HSH2D: variants seen among roughly 807,000 people sequenced by gnomAD.
HSH2D encodes the protein hematopoietic SH2 domain containing.
A neutral mutation model predicts 21.5 loss-of-function variants in HSH2D; 16 were observed. That is an observed-to-expected ratio of 0.74 (90% CI 0.50 to 1.13). The LOEUF (loss-of-function observed/expected upper bound fraction) is 1.13, where lower values mean the gene tolerates loss of function less well. Ranked by LOEUF, HSH2D falls within the 50% of genes most tolerant of loss-of-function variation. The pLI, the probability that HSH2D is intolerant of heterozygous loss-of-function variation, is 0.00. For missense variants in HSH2D, 418 were observed against 441.4 expected, an observed-to-expected ratio of 0.95 and a Z score of 0.47; for synonymous variants, 172 against 184.7, an observed-to-expected ratio of 0.93 and a Z score of 0.56.
chr19:16,143,121 G>A (rs142368571), upstream of HSH2D, among the ~76,000 whole-genome samples: 8 of 151,598 alleles, frequency 5.3e-5, no homozygotes, highest in South Asian at 2.1e-4. Flanking sequence ...GTCTCACTCC[G>A]TTGCCCAGGC....
chr19:16,155,617 GA>G (rs899829966), intron 5 of HSH2D: 2 of 131,194 alleles, frequency 1.5e-5, no homozygotes, highest in South Asian at 2.5e-4. Flanking sequence ...TGCATGGGAG[GA>G]CTTTTTTTTT....
At chr19:16,148,917 T>C in intron 2 of HSH2D, 42 bp downstream of exon 2, 1 of 1,496,826 alleles carries the variant, frequency 6.7e-7, no homozygotes, top group Non-Finnish European at 9.1e-7. Context: ...CTCCCCACCC[T>C]GTCCTTGTCT....
chr19:16,147,614 A>C (rs1243538076), intron 1 of HSH2D, among the ~76,000 whole-genome samples: 1 of 152,010 alleles, frequency 6.6e-6, no homozygotes, highest in Non-Finnish European at 1.5e-5. Flanking sequence ...TGCCCAAAAA[A>C]TCACAAGCCA....
intron 4 of HSH2D, among the ~76,000 whole-genome samples, chr19:16,153,532 G>C (rs953167404): frequency 1.1e-4 from 16 of 149,828 alleles, no homozygotes; most frequent in African/African-American, 4.0e-4. Flanking sequence ...CTCCCAATAC[G>C]CTTTCCTTAG....
At chr19:16,141,735 C>G (rs1203954058), upstream of HSH2D, among the ~76,000 whole-genome samples, 1 of 151,598 alleles carries the variant, frequency 6.6e-6, no homozygotes, top group Non-Finnish European at 1.5e-5. Flanking sequence ...ACCAGCCTGG[C>G]CAACATAGTG....
At chr19:16,152,067 A>T (rs966162002) in intron 2 of HSH2D, among the ~76,000 whole-genome samples, 1 of 140,634 alleles carries the variant, frequency 7.1e-6, no homozygotes, top group African/African-American at 2.7e-5. Context: ...AGGTCACGCC[A>T]TTGCACTCAG....
chr19:16,145,751 G>A (rs750261620), intron 1 of HSH2D, among the ~76,000 whole-genome samples: 5 of 152,126 alleles, frequency 3.3e-5, no homozygotes, highest in Non-Finnish European at 5.9e-5. Flanking sequence ...GCCAATGGGT[G>A]GAGGGAGTGA....
chr19:16,135,153 T>C (rs1029033930), intron 1 of HSH2D, among the ~76,000 whole-genome samples: 1 of 151,952 alleles, frequency 6.6e-6, no homozygotes, highest in Non-Finnish European at 1.5e-5. Context: ...GCGCCTGTAG[T>C]CCCAACTACT....
chr19:16,136,012 C>G (rs143692616), intron 1 of HSH2D, among the ~76,000 whole-genome samples: 3,468 of 152,196 alleles, frequency 0.023, 68 homozygotes, highest in Non-Finnish European at 0.037. Flanking sequence ...GGGGGCAGCT[C>G]CCCAGGCATT....
In HSH2D at chr19:16,148,812, C is replaced by T. The variant is rs761978063; in HGVS notation, c.62C>T (p.Thr21Ile). The change falls in exon 2 of 6, where the codon ACC becomes ATC. Residue 21 changes from threonine (T) to isoleucine (I), a missense_variant. Physicochemically the swap from Thr to Ile is moderately conservative, Grantham distance 89 (BLOSUM62 -1). Transcript: ENST00000613986. ...CCACGGCTGGACTGGTTTGTGCACA[C>T]CCAGATGGGCCAGCTGGCCCAAGAC... ...LPPRLDWFVH[T>I]QMGQLAQDGV... The T allele has an allele frequency of 6.2e-7, 1 of 1,613,892 alleles. No individual in the cohort carries two copies. The highest frequency in any genetic ancestry group is 8.5e-7 in the Non-Finnish European group (1 of 1,179,846).
intron 1 of HSH2D, among the ~76,000 whole-genome samples, chr19:16,147,638 T>G (rs906573617): frequency 6.6e-6 from 1 of 151,008 alleles, no homozygotes; most frequent in Non-Finnish European, 1.5e-5. Context: ...GTTTTTTTTT[T>G]GTTTTGTTTT....
chr19:16,148,821 G>T lies in HSH2D; in HGVS notation c.71G>T (p.Gly24Val). The T allele has an allele frequency of 6.2e-7, 1 of 1,613,754 alleles. No individual in the cohort carries two copies. ...GACTGGTTTGTGCACACCCAGATGG[G>T]CCAGCTGGCCCAAGACGGGGTCCCC... ...RLDWFVHTQMGQLAQDGVPEW... is the reference protein window; with the variant it reads ...RLDWFVHTQMVQLAQDGVPEW... Residue 24 changes from glycine (G) to valine (V), a missense_variant, in exon 2 of 6, where the codon GGC (glycine) becomes GTC (valine). By Grantham distance (109) the Gly-to-Val change is moderately radical. Transcript: ENST00000613986.
intron 4 of HSH2D, 128 bp from the exon 5 acceptor site, chr19:16,154,271 T>C: frequency 1.7e-6 from 1 of 573,256 alleles, no homozygotes; most frequent in South Asian, 2.1e-5. Context: ...TTATAACGCT[T>C]AGTGGGCGTG....
At chr19:16,155,316 G>T (rs1270362824) in intron 5 of HSH2D, among the ~76,000 whole-genome samples, 2 of 152,106 alleles carry the variant, frequency 1.3e-5, no homozygotes, top group East Asian at 3.9e-4. Context: ...CCTAGAGGAG[G>T]TGGCTTATAG....
intron 2 of HSH2D, chr19:16,151,373 C>A: frequency 1.0e-4 from 29 of 279,884 alleles, no homozygotes; most frequent in East Asian, 2.3e-4. Flanking sequence ...GTAATAATAA[C>A]AGCAAACATT....
intron 5 of HSH2D, among the ~76,000 whole-genome samples, chr19:16,156,578 C>T (rs1338541680): frequency 6.6e-6 from 1 of 152,220 alleles, no homozygotes; most frequent in African/African-American, 2.4e-5. Context: ...AGAACCCAGG[C>T]ACGCTCATTG....
chr19:16,144,741 G>T (rs1023466043), intron 1 of HSH2D, among the ~76,000 whole-genome samples: 1 of 134,120 alleles, frequency 7.5e-6, no homozygotes, highest in African/African-American at 2.7e-5. Flanking sequence ...CGCCCAGGCT[G>T]GAGTGCAGTG....
chr19:16,145,694 G>C (rs2091058425), intron 1 of HSH2D, among the ~76,000 whole-genome samples: 1 of 152,170 alleles, frequency 6.6e-6, no homozygotes, highest in Non-Finnish European at 1.5e-5. Flanking sequence ...TCCTCATAGA[G>C]ACAGCCCAGT....
intron 5 of HSH2D, among the ~76,000 whole-genome samples, chr19:16,155,392 C>T (rs943355130): frequency 9.2e-5 from 14 of 151,940 alleles, no homozygotes; most frequent in East Asian, 5.8e-4. Context: ...TTCCAGGCAG[C>T]GGGAATGGCA....
Sources: allele counts gnomAD v4.1 joint callset (sites outside exome capture counted in the v4.1 genomes callset), GRCh38; gene constraint gnomAD v4.1.1; transcripts MANE v1.5; gene names NCBI Gene and HGNC (gene_info 2026-07-23, HGNC 2026-07-21).